Variants in UNC5D observed in about 807,000 individuals in gnomAD.
The protein encoded by UNC5D is unc-5 netrin receptor D, also known as netrin receptor UNC5D.
A neutral mutation model predicts 105.4 loss-of-function variants in UNC5D; 39 were observed. That is an observed-to-expected ratio of 0.37 (90% CI 0.29 to 0.48). The LOEUF (loss-of-function observed/expected upper bound fraction) is 0.48. Ranked by LOEUF, UNC5D falls within the 20% of genes least tolerant of loss-of-function variation. The pLI is 0.98. For missense variants in UNC5D, 991 were observed against 1,202.4 expected (o/e 0.82, Z 2.60); for synonymous variants, 452 against 450.4 (o/e 1.00, Z -0.04).
intron 1 of UNC5D, among the ~76,000 whole-genome samples, chr8:35,507,672 T>C (rs1322065741): frequency 6.6e-6 from 1 of 152,052 alleles, no homozygotes; most frequent in Non-Finnish European, 1.5e-5. Context: ...AAAAATAGAA[T>C]GTGCAAATAA....
intron 1 of UNC5D, among the ~76,000 whole-genome samples, chr8:35,467,838 C>T (rs1809422555): frequency 6.6e-6 from 1 of 152,064 alleles, no homozygotes; most frequent in African/African-American, 2.4e-5. Context: ...AAGCTTTCGC[C>T]AAATGGCTAG....
At chr8:35,425,619 C>T (rs947526631) in intron 1 of UNC5D, among the ~76,000 whole-genome samples, 1 of 152,106 alleles carries the variant, frequency 6.6e-6, no homozygotes, top group African/African-American at 2.4e-5. Flanking sequence ...AAGGACAATG[C>T]GTTTCTCAAG....
intron 1 of UNC5D, among the ~76,000 whole-genome samples, chr8:35,533,372 C>A: frequency 6.6e-6 from 1 of 152,004 alleles, no homozygotes; most frequent in Non-Finnish European, 1.5e-5. Flanking sequence ...GGTCAGGGGT[C>A]AGGGACCCAC....
chr8:35,540,635 T>C (rs1170009186), intron 1 of UNC5D, among the ~76,000 whole-genome samples: 1 of 152,180 alleles, frequency 6.6e-6, no homozygotes, highest in African/African-American at 2.4e-5. Flanking sequence ...TAAACTGTTA[T>C]GGGAACAGGT....
intron 1 of UNC5D, among the ~76,000 whole-genome samples, chr8:35,284,221 T>C (rs944118775): frequency 2.0e-5 from 3 of 152,314 alleles, no homozygotes; most frequent in Admixed American, 1.3e-4. Context: ...TATGGACTCA[T>C]AGGGGGCATA....
At chr8:35,254,179 CT>C in intron 1 of UNC5D, among the ~76,000 whole-genome samples, 1 of 152,240 alleles carries the variant, frequency 6.6e-6, no homozygotes. Context: ...TATTGTTCAT[CT>C]TTGGTAGCAT....
At chr8:35,744,324 A>G (rs1829903760) in intron 11 of UNC5D, among the ~76,000 whole-genome samples, 1 of 152,050 alleles carries the variant, frequency 6.6e-6, no homozygotes. Context: ...GTACTATTTT[A>G]CCCTTCGTAA....
At chr8:35,750,427 T>C (rs993586464) in intron 12 of UNC5D, among the ~76,000 whole-genome samples, 155 bp from the exon 13 acceptor site, 2 of 152,300 alleles carry the variant, frequency 1.3e-5, no homozygotes, top group Admixed American at 6.5e-5. Context: ...GTTATTTTGA[T>C]AGAAGAGGAA....
At chr8:35,714,705 T>C (rs907971354) in intron 8 of UNC5D, among the ~76,000 whole-genome samples, 4 of 152,234 alleles carry the variant, frequency 2.6e-5, no homozygotes, top group Admixed American at 6.5e-5. Context: ...TGAAGAATGG[T>C]ATAGTTGATG....
At position 35,766,128 on chromosome 8, in the gene UNC5D, C is replaced by T. The variant is rs528135069; in HGVS notation, c.2314-774C>T. On this transcript the variant is annotated intron_variant, in intron 14 of 16. Coordinates refer to ENST00000404895, the MANE Select transcript of UNC5D (RefSeq NM_080872.4). The stretch of plus-strand genomic sequence containing the variant: ...CCTCATTTACTAAAAGGTATTTTTG[C>T]CTCTCAGTTGTCCATATGTCCCCTG... 3.3e-5 allele frequency among the ~76,000 whole-genome samples: 5 copies of T among 152,178 alleles called. No individual in the cohort carries two copies. The South Asian group carries it at 1.0e-3, about 32-fold the overall frequency.
chr8:35,535,905 C>A (rs60289199), intron 1 of UNC5D, among the ~76,000 whole-genome samples: 8,631 of 152,126 alleles, frequency 0.057, 739 homozygotes, highest in African/African-American at 0.18. Flanking sequence ...CACACAACAA[C>A]CTTGTGGTTC....
chr8:35,469,858 C>T (rs1288640702), intron 1 of UNC5D, among the ~76,000 whole-genome samples: 1 of 152,082 alleles, frequency 6.6e-6, no homozygotes, highest in Non-Finnish European at 1.5e-5. Context: ...AAATATGATA[C>T]AGCTTTAGGT....
At chr8:35,725,474 T>G (rs151096790) in intron 9 of UNC5D, among the ~76,000 whole-genome samples, 3 of 152,146 alleles carry the variant, frequency 2.0e-5, no homozygotes, top group Non-Finnish European at 4.4e-5. Flanking sequence ...CTGCTCCCTA[T>G]GTAGAATCTA....
At chr8:35,572,352 A>G (rs919352681) in intron 3 of UNC5D, among the ~76,000 whole-genome samples, 2 of 151,370 alleles carry the variant, frequency 1.3e-5, no homozygotes, top group Non-Finnish European at 2.9e-5. Flanking sequence ...CTTAACCTCT[A>G]TGGCATCTGG....
chr8:35,673,465 G>A (rs1320519712), intron 4 of UNC5D, among the ~76,000 whole-genome samples: 7 of 152,156 alleles, frequency 4.6e-5, no homozygotes, highest in African/African-American at 1.7e-4. Context: ...TAAGAAAATG[G>A]CTAATGCCTT....
At chr8:35,699,587 C>T (rs748517779) in intron 7 of UNC5D, among the ~76,000 whole-genome samples, 2 of 152,110 alleles carry the variant, frequency 1.3e-5, no homozygotes, top group South Asian at 2.1e-4. Flanking sequence ...TTTCTCTAAC[C>T]GACATCACCA....
intron 1 of UNC5D, among the ~76,000 whole-genome samples, chr8:35,468,676 A>G (rs1162250830): frequency 1.3e-5 from 2 of 152,196 alleles, no homozygotes; most frequent in South Asian, 2.1e-4. Flanking sequence ...AGCACTAACT[A>G]CTTTATCACC....
At chr8:35,665,739 AG>A (rs1162426068) in intron 4 of UNC5D, among the ~76,000 whole-genome samples, 1 of 151,646 alleles carries the variant, frequency 6.6e-6, no homozygotes, top group East Asian at 1.9e-4. Context: ...ATTACACAGA[AG>A]TAACTCTCAA....
chr8:35,393,279 G>T (rs541471772), intron 1 of UNC5D, among the ~76,000 whole-genome samples: 246 of 150,938 alleles, frequency 1.6e-3, no homozygotes, highest in African/African-American at 5.6e-3. Flanking sequence ...GACTACAGGC[G>T]CCCGCCACCT....
Sources: allele counts gnomAD v4.1 joint callset (sites outside exome capture counted in the v4.1 genomes callset), GRCh38; gene constraint gnomAD v4.1.1; transcripts MANE v1.5; gene names NCBI Gene and HGNC (gene_info 2026-07-23, HGNC 2026-07-21).